WDFY4: variants seen among roughly 807,000 people sequenced by gnomAD.
WDFY4 encodes WDFY family member 4, also known as WD repeat- and FYVE domain-containing protein 4.
A neutral mutation model predicts 351.9 loss-of-function variants in WDFY4; 169 were observed. The ratio of observed to expected loss-of-function variants is 0.48; its 90% confidence interval spans 0.42 to 0.55. The LOEUF is 0.55. Ranked by LOEUF, WDFY4 falls within the 20% of genes least tolerant of loss-of-function variation. WDFY4 has a pLI of 0.00. For synonymous variants in WDFY4, 1,622 were observed against 1,574.6 expected (o/e 1.03, Z -0.71); for missense variants, 3,803 against 3,935.6 (o/e 0.97, Z 0.90).
intron 47 of WDFY4, among the ~76,000 whole-genome samples, chr10:48,930,236 T>C (rs371275485): frequency 2.0e-5 from 3 of 152,220 alleles, no homozygotes; most frequent in African/African-American, 7.2e-5. Context: ...ATAATCAACT[T>C]GACTCACTGT....
rs1053043942 is a variant in WDFY4 at position 48,828,963 on chromosome 10, T to C, written c.6340+67T>C. The C allele has an allele frequency of 4.2e-6, 3 of 711,678 alleles. No homozygotes were observed. In the African/African-American group the frequency reaches 5.6e-5, roughly 13 times the overall value. 44.1% of individuals were successfully genotyped at this position (711,678 alleles called of 1,614,324 possible). The stretch of plus-strand genomic sequence containing the variant: ...CGGGGAGGGGGTGGTGGCAGGATAG[T>C]GGTACCTGCTAGGGTTGCATTCTTC... On this transcript the variant is annotated intron_variant, in intron 37 of 61. Transcript: ENST00000325239.
chr10:48,694,015 T>A (rs1041299769), intron 1 of WDFY4, among the ~76,000 whole-genome samples: 3 of 152,208 alleles, frequency 2.0e-5, no homozygotes, highest in Non-Finnish European at 4.4e-5. Context: ...CTTCCAGATA[T>A]GTTTCAAAGT....
At chr10:48,714,735 G>A (rs1309482074) in intron 2 of WDFY4, among the ~76,000 whole-genome samples, 1 of 152,350 alleles carries the variant, frequency 6.6e-6, no homozygotes, top group Non-Finnish European at 1.5e-5. Flanking sequence ...TTGAGAGAAA[G>A]CAGAAAGTAA....
intron 9 of WDFY4, 120 bp downstream of exon 9, chr10:48,731,682 A>G: frequency 8.3e-7 from 1 of 1,208,086 alleles, no homozygotes; most frequent in East Asian, 2.6e-5. Context: ...GTCACTGGGA[A>G]GGTATGCTTG....
Position 48,817,298 on chromosome 10 carries a change from GCTGCAGTTC to G in WDFY4, c.5397_5405del (p.Gln1800_Leu1802del). 3.2e-6 allele frequency: 5 copies of G among 1,551,750 alleles called. No homozygotes were observed. The highest frequency in any genetic ancestry group is 4.4e-6 in the Non-Finnish European group (5 of 1,147,022). ...GGGCACAGACCTTCCCGGCCAGCGT[GCTGCAGTTC>G]CTCAGCCTCGTCCACCGCACCTACC... On this transcript the variant is annotated inframe_deletion, in exon 32 of 62. Coordinates refer to ENST00000325239, the MANE Select transcript of WDFY4 (RefSeq NM_001394531.1).
At chr10:48,800,387 A>G (rs1482671898) in intron 24 of WDFY4, among the ~76,000 whole-genome samples, 1 of 152,026 alleles carries the variant, frequency 6.6e-6, no homozygotes, top group African/African-American at 2.4e-5. Context: ...AGGAAGAGGA[A>G]GTTGTGAGGA....
intron 18 of WDFY4, among the ~76,000 whole-genome samples, 182 bp downstream of exon 18, chr10:48,779,014 G>C (rs2066130781): frequency 1.3e-5 from 2 of 152,204 alleles, no homozygotes; most frequent in African/African-American, 4.8e-5. Context: ...GTGGTTCACT[G>C]TGGCCTGGGC....
At position 48,873,484 on chromosome 10, in the gene WDFY4, TC is replaced by T; in HGVS notation, c.6742-3del. 6.5e-7 allele frequency: 1 copy of T among 1,541,798 alleles called. No individual in the cohort carries two copies. Among genetic ancestry groups the T allele is most frequent in the Non-Finnish European group, 8.8e-7 (1 of 1,142,522 alleles). On this transcript the variant is annotated splice_polypyrimidine_tract_variant and splice_region_variant and intron_variant, in intron 40 of 61. Transcript: ENST00000325239. ...GTATCCAGGGTGACTCTGTTTCTGC[TC>T]CCCAGAGGCGAAAATGTGGCAACAT...
At chr10:48,948,843 T>C (rs1469798891) in intron 51 of WDFY4, among the ~76,000 whole-genome samples, 1 of 152,218 alleles carries the variant, frequency 6.6e-6, no homozygotes, top group Non-Finnish European at 1.5e-5. Context: ...TCCAGGCTGG[T>C]CTCCTCTGGT....
intron 60 of WDFY4, 120 bp from the exon 61 acceptor site, chr10:48,981,247 C>A: frequency 1.2e-6 from 1 of 802,050 alleles, no homozygotes; most frequent in Non-Finnish European, 2.0e-6. Context: ...CTCAATTTAA[C>A]AAGTTGCTGA....
chr10:48,729,830 G>A (rs1265531498), intron 8 of WDFY4, among the ~76,000 whole-genome samples: 1 of 152,350 alleles, frequency 6.6e-6, no homozygotes, highest in Non-Finnish European at 1.5e-5. Flanking sequence ...CACCCCTGGG[G>A]TGATTTACTC....
chr10:48,739,616 A>G (rs1309389812), intron 11 of WDFY4, among the ~76,000 whole-genome samples: 2 of 152,242 alleles, frequency 1.3e-5, no homozygotes, highest in African/African-American at 2.4e-5. Context: ...ATGACTCTGC[A>G]AATATGAAAT....
At chr10:48,788,465 G>T in intron 20 of WDFY4, 65 bp from the exon 21 acceptor site, 2 of 1,500,748 alleles carry the variant, frequency 1.3e-6, no homozygotes, top group Non-Finnish European at 1.8e-6. Context: ...ATATTAAATT[G>T]TATGAGGATT....
At chr10:48,913,479 T>G in intron 47 of WDFY4, 3 of 1,525,824 alleles carry the variant, frequency 2.0e-6, no homozygotes, top group Non-Finnish European at 2.6e-6. Flanking sequence ...CGTGGCCATG[T>G]TCTTGATTCT....
chr10:48,782,514 A>G (rs1328567504), intron 19 of WDFY4, among the ~76,000 whole-genome samples: 1 of 152,232 alleles, frequency 6.6e-6, no homozygotes, highest in African/African-American at 2.4e-5. Context: ...TAGGGCCATC[A>G]ACAGGGAGGT....
intron 43 of WDFY4, among the ~76,000 whole-genome samples, chr10:48,889,510 C>T (rs963527234): frequency 2.7e-5 from 4 of 148,022 alleles, no homozygotes; most frequent in African/African-American, 1.0e-4. Context: ...TTTTTTTTCT[C>T]CCAAACATAT....
At chr10:48,757,631 G>A (rs1194655199) in intron 12 of WDFY4, among the ~76,000 whole-genome samples, 1 of 151,356 alleles carries the variant, frequency 6.6e-6, no homozygotes, top group Non-Finnish European at 1.5e-5. Flanking sequence ...TTTATTGTTT[G>A]TTTTCTCTTT....
chr10:48,903,241 G>A (rs1837450233), intron 47 of WDFY4, among the ~76,000 whole-genome samples: 1 of 152,116 alleles, frequency 6.6e-6, no homozygotes, highest in Admixed American at 6.5e-5. Context: ...GGTGAGGGAG[G>A]TCACAGGGGA....
chr10:48,690,005 C>A (rs1171711919), intron 1 of WDFY4, among the ~76,000 whole-genome samples: 1 of 152,178 alleles, frequency 6.6e-6, no homozygotes, highest in Non-Finnish European at 1.5e-5. Flanking sequence ...TGCATTAGAC[C>A]ACACTACCAC....
Sources: gnomAD v4.1 joint callset for allele counts (sites outside exome capture counted in the v4.1 genomes callset) on GRCh38, gnomAD v4.1.1 for gene constraint, MANE v1.5 for transcripts, NCBI Gene and HGNC (gene_info 2026-07-23, HGNC 2026-07-21) for gene names.